Variants in ZNF185 observed in about 807,000 individuals in gnomAD.
The protein encoded by ZNF185 is zinc finger protein 185 with LIM domain.
Under a neutral mutation model 58.6 loss-of-function variants are expected in ZNF185, and 56 were observed. The ratio of observed to expected loss-of-function variants is 0.95; its 90% CI spans 0.77 to 1.19. The LOEUF (loss-of-function observed/expected upper bound fraction) is 1.19. ZNF185 is among the 50% of genes most tolerant of loss of function. The pLI is 0.00. For synonymous variants in ZNF185, 230 were observed against 215.9 expected, an observed-to-expected ratio of 1.07 and a Z score of -0.57; for missense variants, 627 against 573.5, an observed-to-expected ratio of 1.09 and a Z score of -0.95.
chrX:152,922,152 T>C, intron 9 of ZNF185, 21 bp from the exon 11 acceptor site: 2 of 1,184,869 alleles, frequency 1.7e-6, no homozygotes, highest in African/African-American at 3.5e-5. Flanking sequence ...CCACGAGCGC[T>C]GTTTCTCTTC....
chrX:152,939,465 T>C (rs1556886653), intron 15 of ZNF185, among the ~76,000 whole-genome samples: 3 of 112,100 alleles, frequency 2.7e-5, no homozygotes, highest in Non-Finnish European at 5.6e-5. Flanking sequence ...GGGAAGAGGC[T>C]CTAAGAAAAT....
chrX:152,942,016 A>G (rs782295841), intron 15 of ZNF185, among the ~76,000 whole-genome samples: 1,491 of 110,995 alleles, frequency 0.013, 25 homozygotes, highest in African/African-American at 0.047. Context: ...GCCCAGGGGG[A>G]GGGGGTGTGG....
intron 13 of ZNF185, among the ~76,000 whole-genome samples, chrX:152,932,218 G>T (rs1237829373): frequency 3.6e-5 from 4 of 112,575 alleles, no homozygotes; most frequent in African/African-American, 1.3e-4. Flanking sequence ...AAGTATGTGG[G>T]CCCCCATAGA....
At chrX:152,963,200 G>A (rs886896687) in intron 17 of ZNF185, among the ~76,000 whole-genome samples, 2 of 113,205 alleles carry the variant, frequency 1.8e-5, no homozygotes, top group Middle Eastern at 4.6e-3. Context: ...CAGAGTGAGA[G>A]CCGATATTGG....
At chrX:152,914,877 C>A (rs782758181) in intron 2 of ZNF185, 44 bp downstream of exon 3, 1 of 1,158,352 alleles carries the variant, frequency 8.6e-7, no homozygotes, top group Admixed American at 2.6e-5. Flanking sequence ...CGTGGGGGCG[C>A]GCAATCCGTG....
At chrX:152,966,785 T>C in intron 19 of ZNF185, among the ~76,000 whole-genome samples, 1 of 111,601 alleles carries the variant, frequency 9.0e-6, no homozygotes, top group Non-Finnish European at 1.9e-5. Context: ...TTCTACCCCA[T>C]AACTCAAGCA....
At chrX:152,939,080 T>C (rs73633241) in intron 15 of ZNF185, among the ~76,000 whole-genome samples, 4,387 of 111,417 alleles carry the variant, frequency 0.039, 217 homozygotes, top group African/African-American at 0.14. Flanking sequence ...TGGTAAGCCA[T>C]GGTTAAGAGA....
chrX:152,931,942 A>G (rs893074472), intron 13 of ZNF185, among the ~76,000 whole-genome samples, 166 bp downstream of exon 14: 3 of 112,310 alleles, frequency 2.7e-5, no homozygotes, highest in Non-Finnish European at 3.8e-5. Context: ...GCAGGTCTTT[A>G]ATGAACATCT....
chrX:152,923,675 G>A (rs1940234635), intron 11 of ZNF185, among the ~76,000 whole-genome samples: 1 of 112,242 alleles, frequency 8.9e-6, no homozygotes, highest in South Asian at 3.7e-4. Context: ...TCAAGCACCG[G>A]ATTCTCATAA....
At chrX:152,916,535 G>A (rs781832978) in intron 3 of ZNF185, among the ~76,000 whole-genome samples, 30 of 111,993 alleles carry the variant, frequency 2.7e-4, no homozygotes, top group Non-Finnish European at 4.7e-4. Context: ...GCGCCCTCTC[G>A]TCTCAAACTT....
At chrX:152,936,605 T>C in intron 14 of ZNF185, 92 bp downstream of exon 16, 1 of 789,165 alleles carries the variant, frequency 1.3e-6, no homozygotes, top group Non-Finnish European at 1.8e-6. Context: ...AGGATCCCCC[T>C]CGAACTTCTC....
chrX:152,968,691 G>A (rs782012108), intron 20 of ZNF185, among the ~76,000 whole-genome samples: 5 of 112,701 alleles, frequency 4.4e-5, no homozygotes, highest in Non-Finnish European at 7.5e-5. Flanking sequence ...CCGCCCCTTG[G>A]GCTTCTGTCA....
At chrX:152,904,999 G>A in the ZNF185 span, among the ~76,000 whole-genome samples, 1 of 112,698 alleles carries the variant, frequency 8.9e-6, no homozygotes, top group East Asian at 2.8e-4. Flanking sequence ...CAGGGAGGGT[G>A]AGTGACGCGT....
chrX:152,921,239 G>A (rs1028100479), intron 9 of ZNF185, among the ~76,000 whole-genome samples: 6 of 111,909 alleles, frequency 5.4e-5, no homozygotes, highest in Non-Finnish European at 1.1e-4. Flanking sequence ...GTTGAGACAG[G>A]GCACCTTCTG....
At chrX:152,923,819 A>G (rs1369483374) in intron 11 of ZNF185, among the ~76,000 whole-genome samples, 2 of 111,973 alleles carry the variant, frequency 1.8e-5, no homozygotes, top group African/African-American at 6.5e-5. Context: ...GTGCAGCCTG[A>G]TTCCCAGCAG....
chrX:152,940,423 G>GGGGGTT (rs1196085237), intron 15 of ZNF185, among the ~76,000 whole-genome samples: 1 of 96,231 alleles, frequency 1.0e-5, no homozygotes, highest in African/African-American at 3.8e-5. Context: ...GGAGTGTGGT[G>GGGGGTT]GGGGTGGGGG....
At chrX:152,942,065 G>A (rs1184122220) in intron 15 of ZNF185, among the ~76,000 whole-genome samples, 1 of 107,578 alleles carries the variant, frequency 9.3e-6, no homozygotes, top group Non-Finnish European at 1.9e-5. Flanking sequence ...CTCCAACCAC[G>A]CTGGGCCCTC....
At chrX:152,941,561 T>A in intron 15 of ZNF185, 12 of 988,252 alleles carry the variant, frequency 1.2e-5, no homozygotes, top group Non-Finnish European at 1.6e-5. Context: ...GAATGCGCGC[T>A]CGCCACCAGC....
intron 15 of ZNF185, among the ~76,000 whole-genome samples, chrX:152,938,962 G>C (rs1334847191): frequency 9.4e-6 from 1 of 106,090 alleles, no homozygotes; most frequent in African/African-American, 3.5e-5. Flanking sequence ...CTATAGATAA[G>C]GAACCACAAA....
Sources: allele counts gnomAD v4.1 joint callset (sites outside exome capture counted in the v4.1 genomes callset), GRCh38; gene constraint gnomAD v4.1.1; transcripts MANE v1.5; gene names NCBI Gene and HGNC (gene_info 2026-07-23, HGNC 2026-07-21).